Variants in ACOX3 observed in about 807,000 individuals in gnomAD.
ACOX3 encodes peroxisomal acyl-coenzyme A oxidase 3.
In ACOX3, 73 loss-of-function variants were observed where a neutral mutation model predicts 81.5. The observed-to-expected ratio is 0.90, with a 90% confidence interval of 0.74 to 1.09. The LOEUF (loss-of-function observed/expected upper bound fraction) is 1.09, where lower values mean the gene tolerates loss of function less well. ACOX3 is among the 50% of genes least tolerant of loss of function. The probability of loss-of-function intolerance (pLI) is 0.00; values close to 1 mark genes in which losing one functional copy is unlikely to be tolerated. For synonymous variants in ACOX3, 387 were observed against 375.1 expected, an observed-to-expected ratio of 1.03 and a Z score of -0.37; for missense variants, 947 against 928.0, an observed-to-expected ratio of 1.02 and a Z score of -0.27.
intron 9 of ACOX3, among the ~76,000 whole-genome samples, chr4:8,395,682 G>GCTTGGTGGTAAGGCCAC (rs1475235506): frequency 2.0e-5 from 3 of 152,196 alleles, no homozygotes; most frequent in African/African-American, 7.2e-5. Flanking sequence ...GGTAAGGCCA[G>GCTTGGTGGTAAGGCCAC]GCATGGTGGC....
At chr4:8,363,384 A>G (rs1715273366), downstream of ACOX3, among the ~76,000 whole-genome samples, 1 of 152,242 alleles carries the variant, frequency 6.6e-6, no homozygotes, top group Non-Finnish European at 1.5e-5. Context: ...ACCTTTTGTG[A>G]GAACTCAAGA....
rs542774263 is a variant in ACOX3, at chr4:8,434,691, G to A, written c.-15+5957C>T. On this transcript the variant is annotated intron_variant, in intron 1 of 17. Coordinates refer to ENST00000356406, the MANE Select transcript of ACOX3 (RefSeq NM_003501.3). ...ACTTGCACACTCCATTTGAGTGGAAGCGTGGCCTGATCACCCATGGCGTGC... is the reference window on the plus strand; with the variant it reads ...ACTTGCACACTCCATTTGAGTGGAAACGTGGCCTGATCACCCATGGCGTGC... 8.7e-4 allele frequency among the ~76,000 whole-genome samples: 132 copies of A among 152,382 alleles called. 1 individual carries two copies. The highest frequency in any genetic ancestry group is 3.1e-3 in the African/African-American group (130 of 41,596).
At chr4:8,415,704 C>T (rs1722251508) in intron 3 of ACOX3, 62 bp downstream of exon 3, 3 of 1,462,520 alleles carry the variant, frequency 2.1e-6, no homozygotes, top group Admixed American at 1.7e-5. Flanking sequence ...CTGGGACAGG[C>T]ATCCCTCAAG....
At chr4:8,401,417 C>T (rs1343437830) in intron 7 of ACOX3, among the ~76,000 whole-genome samples, 4 of 152,154 alleles carry the variant, frequency 2.6e-5, no homozygotes, top group East Asian at 1.9e-4. Flanking sequence ...TGCCCCCACA[C>T]CCCCATTGTC....
Position 8,373,630 on chromosome 4 carries a change from T to C in ACOX3, c.1829-2A>G, listed in dbSNP as rs1435137664. The C allele has an allele frequency of 6.2e-7, 1 of 1,611,344 alleles. No homozygotes were observed. Among genetic ancestry groups the C allele is most frequent in the Non-Finnish European group, 8.5e-7 (1 of 1,178,852 alleles). The stretch of plus-strand genomic sequence containing the variant: ...CCTGCTCACCGGAGAAGTATCCTCC[T>C]GCAAGCACAGCCTCGGTCACATGGG... On this transcript the variant is annotated splice_acceptor_variant, in intron 15 of 17. Coordinates refer to ENST00000356406, the MANE Select transcript of ACOX3 (RefSeq NM_003501.3). LOFTEE classifies it high-confidence loss of function.
At chr4:8,426,507 C>G (rs149646304) in intron 1 of ACOX3, among the ~76,000 whole-genome samples, 449 of 138,820 alleles carry the variant, frequency 3.2e-3, no homozygotes, top group African/African-American at 0.011. Flanking sequence ...CATGGCCCCC[C>G]CCGTCATATT....
In ACOX3 at chr4:8,368,251, G is replaced by A. The variant is rs1392267009; in HGVS notation, c.1984-1171C>T. 3.3e-5 allele frequency among the ~76,000 whole-genome samples: 5 copies of A among 152,222 alleles called. No homozygotes were observed. In the East Asian group the frequency reaches 7.7e-4, roughly 23 times the overall value. ...CTGCCCCGGGCCAGCACTCCCCTAC[G>A]GGAGGTGCAGACTTCACTGCTCTCA... is the stretch of plus-strand genomic sequence containing the variant. On this transcript the variant is annotated intron_variant, in intron 17 of 17. Coordinates refer to ENST00000356406, the MANE Select transcript of ACOX3 (RefSeq NM_003501.3). This position sits in a 1 kb window ranked among gnomAD's most constrained non-coding sequence, Gnocchi z 5.9.
At chr4:8,401,047 T>C (rs1256976511) in intron 7 of ACOX3, among the ~76,000 whole-genome samples, 44 of 151,726 alleles carry the variant, frequency 2.9e-4, no homozygotes, top group Non-Finnish European at 4.4e-5. Context: ...TAGATTCTCA[T>C]AAGGAGCGCT....
At chr4:8,391,077 T>TATGTATATGAG (rs1718944865) in intron 11 of ACOX3, among the ~76,000 whole-genome samples, 1 of 97,784 alleles carries the variant, frequency 1.0e-5, no homozygotes, top group African/African-American at 3.6e-5. Flanking sequence ...ATGTATATGA[T>TATGTATATGAG]TAATCTTGAT....
chr4:8,399,103 G>T lies in ACOX3; in HGVS notation c.873+453C>A, dbSNP rs1720046819. ...CACCTGCTGTGAGCTCATGATTCCT[G>T]AGGGTCATCAGCTATGACCTGGGCC... On this transcript the variant is annotated intron_variant, in intron 8 of 17. Transcript: ENST00000356406. The surrounding 1 kb of genome is among the most constrained non-coding windows in gnomAD (Gnocchi z 4.9). 6.6e-6 allele frequency among the ~76,000 whole-genome samples: 1 copy of T among 152,170 alleles called. No homozygotes were observed. Among genetic ancestry groups the T allele is most frequent in the African/African-American group, 2.4e-5 (1 of 41,438 alleles).
chr4:8,400,460 A>G lies in ACOX3; in HGVS notation c.777-808T>C, dbSNP rs924936624. 6.6e-6 allele frequency among the ~76,000 whole-genome samples: 1 copy of G among 152,178 alleles called. No homozygotes were observed. The highest frequency in any genetic ancestry group is 2.4e-5 in the African/African-American group (1 of 41,434). On this transcript the variant is annotated intron_variant, in intron 7 of 17. Transcript: ENST00000356406. The surrounding 1 kb of genome is among the most constrained non-coding windows in gnomAD (Gnocchi z 4.4). ...ATGAGGTTTAAAACTCTTCAGTCAA[A>G]CAAAATAACTGGTGTGATGGCATTG... is the stretch of plus-strand genomic sequence containing the variant.
At position 8,367,186 on chromosome 4, in the gene ACOX3, C is replaced by T. The variant is rs1230784526; in HGVS notation, c.1984-106G>A. The T allele has an allele frequency of 2.7e-6, 4 of 1,464,496 alleles. No individual in the cohort carries two copies. In the South Asian group the frequency reaches 3.8e-5, roughly 14 times the overall value. The allele number at this position is 1,464,496 out of a possible 1,614,324, so 90.7% of individuals were successfully genotyped here. A position where few individuals can be genotyped will look rare whatever the true frequency, so the allele number is the denominator to read the frequency against. On this transcript the variant is annotated intron_variant, in intron 17 of 17. Coordinates refer to ENST00000356406, the MANE Select transcript of ACOX3 (RefSeq NM_003501.3). ...AACTCCTCAAAGTTTTTGTTAAAAA[C>T]ACAGGAAATTCGGCTGGGCACAGTG...
chr4:8,358,764 T>C, the ACOX3 span, among the ~76,000 whole-genome samples: 6 of 152,180 alleles, frequency 3.9e-5, no homozygotes, highest in East Asian at 9.6e-4. Flanking sequence ...TGCTACCCTA[T>C]ATGGTCTAAA....
chr4:8,362,932 A>G (rs1441384354), downstream of ACOX3, among the ~76,000 whole-genome samples: 1 of 152,280 alleles, frequency 6.6e-6, no homozygotes, highest in Non-Finnish European at 1.5e-5. Flanking sequence ...CAGGCCAAGT[A>G]TAATAAAATC....
At chr4:8,367,407 T>G (rs954455712) in intron 17 of ACOX3, among the ~76,000 whole-genome samples, 24 of 151,954 alleles carry the variant, frequency 1.6e-4, no homozygotes, top group Non-Finnish European at 3.1e-4. Context: ...CACTTGAACC[T>G]GGGAGGTAGA....
At position 8,407,388 on chromosome 4, in the gene ACOX3, C is replaced by T. The variant is rs1450776158; in HGVS notation, c.688-1345G>A. Among the ~76,000 whole-genome samples the T allele has an allele frequency of 1.3e-5, 2 of 152,206 alleles. No homozygotes were observed. The highest frequency in any genetic ancestry group is 2.9e-5 in the Non-Finnish European group (2 of 68,034). On this transcript the variant is annotated intron_variant, in intron 6 of 17. Coordinates refer to ENST00000356406, the MANE Select transcript of ACOX3 (RefSeq NM_003501.3). The surrounding 1 kb of genome is among the most constrained non-coding windows in gnomAD (Gnocchi z 4.6). ...GTCTCTTGCCTCGGCACCTGGGTGG[C>T]TTGCCGCCCACATGGGGCCACAGGC...
rs1346966516 is a variant in ACOX3, at chr4:8,389,902, C to T, written c.1301-168G>A. 6.6e-6 allele frequency among the ~76,000 whole-genome samples: 1 copy of T among 152,050 alleles called. No individual in the cohort carries two copies. The highest frequency in any genetic ancestry group is 1.9e-4 in the East Asian group (1 of 5,198). Reference sequence around the variant, plus strand: ...GGTGGATCACTTGAAGCCAGGTGTTCAAGACCAGCCTGACCAACATGGTGA... The same window carrying T: ...GGTGGATCACTTGAAGCCAGGTGTTTAAGACCAGCCTGACCAACATGGTGA... On this transcript the variant is annotated intron_variant, in intron 11 of 17. Coordinates refer to ENST00000356406, the MANE Select transcript of ACOX3 (RefSeq NM_003501.3). This position sits in a 1 kb window ranked among gnomAD's most constrained non-coding sequence, Gnocchi z 5.3.
intron 9 of ACOX3, among the ~76,000 whole-genome samples, chr4:8,396,213 G>A (rs894510909): frequency 6.6e-6 from 1 of 152,202 alleles, no homozygotes; most frequent in Non-Finnish European, 1.5e-5. Flanking sequence ...AGGGCTGCAC[G>A]CTCAGCTGCT....
At chr4:8,378,321 T>C (rs1717226210) in intron 14 of ACOX3, among the ~76,000 whole-genome samples, 2 of 152,232 alleles carry the variant, frequency 1.3e-5, no homozygotes, top group African/African-American at 4.8e-5. Flanking sequence ...GCATTTCTCT[T>C]GGCCTCAACT....
Sources: allele counts gnomAD v4.1 joint callset (sites outside exome capture counted in the v4.1 genomes callset), GRCh38; gene constraint gnomAD v4.1.1; non-coding constraint Gnocchi (gnomAD v3.1); transcripts MANE v1.5; gene names NCBI Gene and HGNC (gene_info 2026-07-23, HGNC 2026-07-21).